TBC1D1: variants seen among roughly 807,000 people sequenced by gnomAD.
TBC1D1 encodes the protein TBC1 domain family member 1, also known as TBC1 (tre-2/USP6, BUB2, cdc16) domain family, member 1.
TBC1D1 carries 89 observed loss-of-function variants against 125.6 expected under a neutral mutation model. The ratio of observed to expected loss-of-function variants is 0.71; its 90% CI spans 0.60 to 0.85. The LOEUF (loss-of-function observed/expected upper bound fraction) is 0.85. Ranked by LOEUF, TBC1D1 falls within the 40% of genes least tolerant of loss-of-function variation. TBC1D1 has a pLI of 0.00. For missense variants in TBC1D1, 1,377 were observed against 1,469.2 expected (o/e 0.94, Z 1.03); for synonymous variants, 565 against 564.1 (o/e 1.00, Z -0.02).
chr4:37,952,200 G>A (rs1013560202), intron 2 of TBC1D1: 18 of 646,750 alleles, frequency 2.8e-5, no homozygotes, highest in South Asian at 2.0e-4. Flanking sequence ...GACTTCACAC[G>A]CGCTTGGAAG....
chr4:38,054,225 T>C lies in TBC1D1; in HGVS notation c.1937T>C (p.Leu646Pro). Residue 646 changes from leucine to proline, a missense_variant, in exon 12 of 20, where the codon CTT becomes CCT. Around this residue, in one of 3 missense-constraint regions of TBC1D1, gnomAD observed 822 missense variants for 824.6 expected, o/e 1.00. Transcript: ENST00000261439. ...GACTTTGAATCCAAAGCAAACCATC[T>C]TGGTGATTCTGGTGGGACTCCTGTG... 1 of 1,614,214 alleles carries C rather than the reference T, an allele frequency of 6.2e-7. No individual in the cohort carries two copies. Among genetic ancestry groups the C allele is most frequent in the East Asian group, 2.2e-5 (1 of 44,890 alleles).
chr4:38,057,824 G>A (rs1331838570), intron 12 of TBC1D1, among the ~76,000 whole-genome samples: 1 of 152,184 alleles, frequency 6.6e-6, no homozygotes, highest in African/African-American at 2.4e-5. Context: ...CCCCAAACCA[G>A]GGAGTTAGTG....
chr4:38,130,827 C>A (rs1765467703), intron 18 of TBC1D1, among the ~76,000 whole-genome samples: 1 of 152,230 alleles, frequency 6.6e-6, no homozygotes, highest in Admixed American at 6.5e-5. Context: ...TCTGAGACAA[C>A]ATACCAAAGG....
At chr4:38,125,574 T>C (rs1764511535) in intron 18 of TBC1D1, among the ~76,000 whole-genome samples, 1 of 152,224 alleles carries the variant, frequency 6.6e-6, no homozygotes, top group South Asian at 2.1e-4. Flanking sequence ...AGGGAACATA[T>C]ATTCTATGAA....
intron 2 of TBC1D1, among the ~76,000 whole-genome samples, chr4:37,930,232 A>C (rs192410250): frequency 1.3e-5 from 2 of 152,246 alleles, no homozygotes; most frequent in Non-Finnish European, 2.9e-5. Context: ...ATGCTGATCA[A>C]ATCAGATGGG....
chr4:38,106,804 G>A (rs574914070), intron 15 of TBC1D1, among the ~76,000 whole-genome samples: 307 of 152,284 alleles, frequency 2.0e-3, no homozygotes, highest in African/African-American at 7.1e-3. Flanking sequence ...GGGCCTCGGC[G>A]TGGCTGTGCA....
chr4:38,131,848 C>T (rs1352009533), intron 18 of TBC1D1, among the ~76,000 whole-genome samples: 3 of 152,346 alleles, frequency 2.0e-5, no homozygotes, highest in East Asian at 3.9e-4. Context: ...CATGCACACA[C>T]ACCCCACAGA....
intron 11 of TBC1D1, among the ~76,000 whole-genome samples, chr4:38,051,321 G>A (rs1338101569): frequency 6.6e-6 from 1 of 151,988 alleles, no homozygotes; most frequent in Non-Finnish European, 1.5e-5. Context: ...GCTCTTTTCC[G>A]ATTTATCTAC....
At position 38,137,807 on chromosome 4, in the gene TBC1D1, T is replaced by C. The variant is rs1766889675; in HGVS notation, c.*472T>C. The C allele has an allele frequency of 6.5e-6, 1 of 154,022 alleles. No individual in the cohort carries two copies. Among genetic ancestry groups the C allele is most frequent in the African/African-American group, 2.4e-5 (1 of 41,528 alleles). The allele number at this position is 154,022 out of a possible 1,614,324, so 9.5% of individuals were successfully genotyped here. On this transcript the variant is annotated 3_prime_UTR_variant, in exon 20 of 20. Transcript: ENST00000261439. ...GCAAGGTGCAGTTGGCTCTCGCCCA[T>C]TCTTGTTATGGAAACCTAAGATGAT...
In TBC1D1 at chr4:38,095,978, A is replaced by C. The variant is rs774923925; in HGVS notation, c.2286A>C (p.Glu762Asp). Reference sequence around the variant, plus strand: ...AGCGCCTGAAGCTCGATTATGAAGAAATTACTCCCTGTCTTAAAGAAGTAA... The same window carrying C: ...AGCGCCTGAAGCTCGATTATGAAGACATTACTCCCTGTCTTAAAGAAGTAA... The change falls in exon 14 of 20, where the codon GAA becomes GAC. Residue 762 changes from glutamate (E) to aspartate (D), a missense_variant. Glu to Asp is a conservative substitution (Grantham distance 45). Coordinates refer to ENST00000261439, the MANE Select transcript of TBC1D1 (RefSeq NM_015173.4). 1.2e-6 allele frequency: 2 copies of C among 1,614,110 alleles called. No individual in the cohort carries two copies. The highest frequency in any genetic ancestry group is 1.1e-5 in the South Asian group (1 of 91,078).
chr4:37,906,987 A>G (rs1291597137), intron 2 of TBC1D1, among the ~76,000 whole-genome samples: 1 of 152,250 alleles, frequency 6.6e-6, no homozygotes, highest in Admixed American at 6.5e-5. Flanking sequence ...TTAATTTGTT[A>G]AAAAACAAAA....
intron 11 of TBC1D1, 23 bp downstream of exon 13, chr4:38,053,248 C>A: frequency 6.8e-7 from 1 of 1,470,406 alleles, no homozygotes; most frequent in South Asian, 1.4e-5. Flanking sequence ...TTAGATATAT[C>A]AAGCCTGGGT....
intron 18 of TBC1D1, among the ~76,000 whole-genome samples, chr4:38,131,778 AAAGAGAATCAGTTC>A (rs1382866391): frequency 6.6e-6 from 1 of 152,210 alleles, no homozygotes; most frequent in Non-Finnish European, 1.5e-5. Flanking sequence ...CTGAAGGACA[AAAGAGAATCAGTTC>A]AATCCAGTAA....
chr4:37,927,518 G>C (rs1417578627), intron 2 of TBC1D1, among the ~76,000 whole-genome samples: 1 of 152,136 alleles, frequency 6.6e-6, no homozygotes, highest in Admixed American at 6.5e-5. Context: ...GATTCCAGCT[G>C]TAGGCAGCTT....
intron 2 of TBC1D1, among the ~76,000 whole-genome samples, chr4:37,997,194 C>A (rs985914526): frequency 6.6e-6 from 1 of 152,206 alleles, no homozygotes; most frequent in Non-Finnish European, 1.5e-5. Flanking sequence ...ACGAGACAGA[C>A]CAGTGCTTAG....
chr4:38,124,530 T>C (rs1764339093), intron 17 of TBC1D1, among the ~76,000 whole-genome samples: 1 of 152,280 alleles, frequency 6.6e-6, no homozygotes, highest in Admixed American at 6.5e-5. Context: ...CTTTGAATTC[T>C]ATTCCTTGTT....
intron 2 of TBC1D1, among the ~76,000 whole-genome samples, chr4:37,903,085 G>A (rs1373741016): frequency 6.6e-6 from 1 of 152,230 alleles, no homozygotes; most frequent in Non-Finnish European, 1.5e-5. Flanking sequence ...CTTAGGCAAA[G>A]GTCATTGATA....
chr4:38,005,949 G>A (rs1240543965), intron 2 of TBC1D1, among the ~76,000 whole-genome samples: 5 of 152,182 alleles, frequency 3.3e-5, no homozygotes, highest in African/African-American at 9.7e-5. Flanking sequence ...TGTGTGAGGC[G>A]TTGTGTAGAT....
At chr4:38,005,457 G>A (rs970138314) in intron 2 of TBC1D1, among the ~76,000 whole-genome samples, 1 of 152,184 alleles carries the variant, frequency 6.6e-6, no homozygotes, top group Non-Finnish European at 1.5e-5. Context: ...TGCAGCTTCA[G>A]TAGGGAGTGT....
Sources: gnomAD v4.1 joint callset for allele counts (sites outside exome capture counted in the v4.1 genomes callset) on GRCh38, gnomAD v4.1.1 for gene constraint, gnomAD v4.1.1 regional missense constraint, MANE v1.5 for transcripts, NCBI Gene and HGNC (gene_info 2026-07-23, HGNC 2026-07-21) for gene names.